Variants in PARP4 observed in about 807,000 individuals in gnomAD.
The protein encoded by PARP4 is protein mono-ADP-ribosyltransferase PARP4.
PARP4 carries 120 observed loss-of-function variants against 187.7 expected under a neutral mutation model. That is an observed-to-expected ratio of 0.64 (90% CI 0.55 to 0.74). The LOEUF (loss-of-function observed/expected upper bound fraction) is 0.74. PARP4 is among the 30% of genes least tolerant of loss of function. The pLI, the probability that PARP4 is intolerant of heterozygous loss-of-function variation, is 0.00. For synonymous variants in PARP4, 654 were observed against 740.9 expected, an observed-to-expected ratio of 0.88 and a Z score of 1.90; for missense variants, 1,836 against 2,070.5, an observed-to-expected ratio of 0.89 and a Z score of 2.20.
At chr13:24,484,542 T>C in intron 12 of PARP4, 111 bp downstream of exon 12, 1 of 718,250 alleles carries the variant, frequency 1.4e-6, no homozygotes, top group Non-Finnish European at 2.5e-6. Flanking sequence ...TGAGGTCATA[T>C]ATAATAGATA....
intron 6 of PARP4, among the ~76,000 whole-genome samples, chr13:24,497,421 T>C (rs772801643): frequency 1.2e-4 from 19 of 152,180 alleles, no homozygotes; most frequent in Admixed American, 1.3e-4. Flanking sequence ...AGGTGCTTAA[T>C]GAAGTATATC....
At chr13:24,460,183 A>G in intron 17 of PARP4, 47 bp from the exon 18 acceptor site, 1 of 1,510,734 alleles carries the variant, frequency 6.6e-7, no homozygotes, top group Non-Finnish European at 9.1e-7. Flanking sequence ...AAGCATACCC[A>G]TTATATGCCA....
At chr13:24,495,426 T>G (rs1708444342) in intron 6 of PARP4, among the ~76,000 whole-genome samples, 1 of 152,102 alleles carries the variant, frequency 6.6e-6, no homozygotes, top group Non-Finnish European at 1.5e-5. Context: ...AAGGAAGAAC[T>G]GTTAGAGACG....
intron 17 of PARP4, among the ~76,000 whole-genome samples, chr13:24,467,365 A>C (rs1019008117): frequency 1.3e-5 from 2 of 152,330 alleles, no homozygotes; most frequent in Admixed American, 6.5e-5. Flanking sequence ...CCAGGTTGCC[A>C]TGGGAAAATG....
At chr13:24,476,757 G>A (rs537224656) in intron 14 of PARP4, among the ~76,000 whole-genome samples, 1 of 152,276 alleles carries the variant, frequency 6.6e-6, no homozygotes, top group South Asian at 2.1e-4. Context: ...AATTAATACT[G>A]TAATTGTTTG....
chr13:24,441,619 A>C (rs2137452230), intron 30 of PARP4, among the ~76,000 whole-genome samples: 1 of 152,396 alleles, frequency 6.6e-6, no homozygotes, highest in East Asian at 1.9e-4. Context: ...AAGCACAGCC[A>C]GAGGTGTTCT....
At chr13:24,458,848 A>T (rs1347607667) in intron 20 of PARP4, among the ~76,000 whole-genome samples, 196 bp downstream of exon 20, 8 of 152,230 alleles carry the variant, frequency 5.3e-5, no homozygotes, top group Non-Finnish European at 1.5e-5. Flanking sequence ...AGGCAAAATC[A>T]AAGAAACAGC....
At chr13:24,511,593 C>A (rs1235140340) in intron 1 of PARP4, among the ~76,000 whole-genome samples, 4 of 152,192 alleles carry the variant, frequency 2.6e-5, no homozygotes, top group African/African-American at 7.2e-5. Context: ...CAAGTGGCTT[C>A]CTGCTTCACA....
intron 11 of PARP4, among the ~76,000 whole-genome samples, chr13:24,485,944 A>G (rs1365299050): frequency 6.6e-6 from 1 of 152,158 alleles, no homozygotes; most frequent in African/African-American, 2.4e-5. Context: ...TCAGCCTCCC[A>G]AAGTATTAGG....
intron 17 of PARP4, among the ~76,000 whole-genome samples, chr13:24,467,750 T>C (rs1872543813): frequency 6.6e-6 from 1 of 152,220 alleles, no homozygotes. Context: ...ATACCTTCTG[T>C]GAAGGCTGTT....
chr13:24,456,839 G>C (rs1372921347), intron 20 of PARP4, among the ~76,000 whole-genome samples: 3 of 152,096 alleles, frequency 2.0e-5, no homozygotes, highest in African/African-American at 7.2e-5. Context: ...GGTAAAGGTT[G>C]CAGTGAGCCA....
chr13:24,463,902 C>T (rs565351074), intron 17 of PARP4, among the ~76,000 whole-genome samples: 2 of 152,202 alleles, frequency 1.3e-5, no homozygotes, highest in East Asian at 1.9e-4. Flanking sequence ...AAAACCCCAT[C>T]ATCTCAGCCC....
intron 1 of PARP4, among the ~76,000 whole-genome samples, chr13:24,510,283 G>C (rs540152368): frequency 6.6e-6 from 1 of 152,048 alleles, no homozygotes; most frequent in Non-Finnish European, 1.5e-5. Context: ...GGCCGGGCGC[G>C]GTGGCTCACA....
chr13:24,447,321 G>A, intron 25 of PARP4, 135 bp from the exon 26 acceptor site: 3 of 506,006 alleles, frequency 5.9e-6, no homozygotes, highest in South Asian at 1.2e-4. Context: ...CCTGCTACAG[G>A]GTACTTTCCC....
In PARP4 at chr13:24,481,795, C is replaced by G. The variant is rs377507676; in HGVS notation, c.1448+2858G>C. On this transcript the variant is annotated intron_variant, in intron 12 of 33. Transcript: ENST00000381989. ...CACTTGAGTTCAGCAGTTTGAGGTT[C>G]CAGGGAGCTATGGCTATGGTTGCAT... Among the ~76,000 whole-genome samples, 6 of 152,276 alleles carry G rather than the reference C, an allele frequency of 3.9e-5. No individual in the cohort carries two copies. In the East Asian group the frequency reaches 1.2e-3, roughly 29 times the overall value.
chr13:24,473,433 G>A (rs1362743027), intron 15 of PARP4, among the ~76,000 whole-genome samples: 2 of 152,070 alleles, frequency 1.3e-5, no homozygotes, highest in African/African-American at 2.4e-5. Context: ...GAGATATTTC[G>A]ATAAACGTAA....
At chr13:24,457,942 T>TA (rs1871971454) in intron 20 of PARP4, among the ~76,000 whole-genome samples, 2 of 151,728 alleles carry the variant, frequency 1.3e-5, no homozygotes, top group Admixed American at 1.3e-4. Flanking sequence ...ATACCAGAGA[T>TA]AAAGAGAAGG....
At chr13:24,435,926 AAAAAAAAAAAG>A (rs61532561) in intron 30 of PARP4, among the ~76,000 whole-genome samples, 48,264 of 144,352 alleles carry the variant, frequency 0.33, 7,951 homozygotes, top group Middle Eastern at 0.38. Context: ...CAAAAAAAAA[AAAAAAAAAAAG>A]AAAGAAAGAA....
In PARP4 at chr13:24,426,591, T is replaced by C; in HGVS notation, c.4854A>G (p.Lys1618=). ...KQKGIQSLGV[K]GRECLLDLIA... The stretch of plus-strand genomic sequence containing the variant: ...TTAGGTCCAGGAGACATTCTCTTCC[T>C]TTTACACCTAAAAGGAAAAAAACTC... Residue 1618 remains lysine, a synonymous_variant, in exon 33 of 34, where the codon AAA becomes AAG. Coordinates refer to ENST00000381989, the MANE Select transcript of PARP4 (RefSeq NM_006437.4). 1.2e-6 allele frequency: 2 copies of C among 1,611,172 alleles called. No homozygotes were observed. Among genetic ancestry groups the C allele is most frequent in the Non-Finnish European group, 1.7e-6 (2 of 1,179,034 alleles).
Sources: gnomAD v4.1 joint callset for allele counts (sites outside exome capture counted in the v4.1 genomes callset) on GRCh38, gnomAD v4.1.1 for gene constraint, MANE v1.5 for transcripts, NCBI Gene and HGNC (gene_info 2026-07-23, HGNC 2026-07-21) for gene names.